AUTS2: variants seen among roughly 807,000 people sequenced by gnomAD.
The protein encoded by AUTS2 is autism susceptibility gene 2 protein.
AUTS2 carries 17 observed loss-of-function variants against 112.4 expected under a neutral mutation model. The ratio of observed to expected loss-of-function variants is 0.15; its 90% CI spans 0.10 to 0.23. The LOEUF is 0.23. Among genes scored for constraint, AUTS2 ranks in the 10% least tolerant of loss-of-function variants. The probability of loss-of-function intolerance (pLI) is 1.00; values close to 1 mark genes in which losing one functional copy is unlikely to be tolerated. For missense variants in AUTS2, 1,510 were observed against 1,701.6 expected (o/e 0.89, Z 1.98); for synonymous variants, 751 against 702.7 (o/e 1.07, Z -1.09).
chr7:70,671,713 A>G (rs1331699336), intron 5 of AUTS2, among the ~76,000 whole-genome samples: 1 of 152,242 alleles, frequency 6.6e-6, no homozygotes, highest in Non-Finnish European at 1.5e-5. Flanking sequence ...AAAGTGTCCA[A>G]GACCGTACAG....
intron 1 of AUTS2, among the ~76,000 whole-genome samples, chr7:69,628,136 G>A (rs1023766575): frequency 5.3e-5 from 8 of 152,146 alleles, no homozygotes; most frequent in African/African-American, 1.9e-4. Flanking sequence ...ATTTACAGAC[G>A]TTTATTCTAA....
At chr7:70,005,853 GA>G (rs1799523704) in intron 2 of AUTS2, among the ~76,000 whole-genome samples, 1 of 152,102 alleles carries the variant, frequency 6.6e-6, no homozygotes, top group Non-Finnish European at 1.5e-5. Context: ...AAAGTTTTTT[GA>G]AAATTGGTTT....
At chr7:69,635,352 C>A (rs115243322) in intron 1 of AUTS2, among the ~76,000 whole-genome samples, 2 of 152,304 alleles carry the variant, frequency 1.3e-5, no homozygotes, top group African/African-American at 4.8e-5. Context: ...ACAAAAAGCA[C>A]CTGCCAGTTT....
intron 2 of AUTS2, among the ~76,000 whole-genome samples, chr7:70,092,946 C>T (rs548477494): frequency 6.4e-4 from 97 of 152,230 alleles, no homozygotes; most frequent in African/African-American, 2.3e-3. Flanking sequence ...CCAGATCAAA[C>T]GAAAATTGTA....
At chr7:69,675,889 A>G (rs1796541980) in intron 1 of AUTS2, among the ~76,000 whole-genome samples, 1 of 152,190 alleles carries the variant, frequency 6.6e-6, no homozygotes, top group Non-Finnish European at 1.5e-5. Flanking sequence ...GAGGACTGAC[A>G]TCATTTCGCA....
At chr7:70,049,338 T>A (rs1258150313) in intron 2 of AUTS2, among the ~76,000 whole-genome samples, 2 of 146,906 alleles carry the variant, frequency 1.4e-5, no homozygotes, top group Non-Finnish European at 3.0e-5. Flanking sequence ...CTCTTGGACA[T>A]TTTTTTTTTT....
chr7:70,301,270 G>A (rs1323083510), intron 4 of AUTS2, among the ~76,000 whole-genome samples: 2 of 152,134 alleles, frequency 1.3e-5, no homozygotes, highest in African/African-American at 4.8e-5. Context: ...ACTTAAATGA[G>A]GGATTCATAT....
chr7:70,279,953 G>GT (rs1389432624), intron 4 of AUTS2, among the ~76,000 whole-genome samples: 1 of 152,284 alleles, frequency 6.6e-6, no homozygotes, highest in East Asian at 1.9e-4. Context: ...GCACACCTGG[G>GT]TTGGAATCCC....
At chr7:70,072,349 T>C (rs770586597) in intron 2 of AUTS2, among the ~76,000 whole-genome samples, 1 of 152,174 alleles carries the variant, frequency 6.6e-6, no homozygotes, top group Admixed American at 6.5e-5. Context: ...GTTTGGAATG[T>C]GCCTGTGGAT....
intron 4 of AUTS2, among the ~76,000 whole-genome samples, chr7:70,322,659 TTTTG>T (rs988406288): frequency 6.6e-6 from 1 of 152,166 alleles, no homozygotes. Context: ...TGTCATAGTT[TTTTG>T]TTTGTTTGTT....
At chr7:70,684,869 AG>A (rs1406053553) in intron 5 of AUTS2, among the ~76,000 whole-genome samples, 2 of 152,202 alleles carry the variant, frequency 1.3e-5, no homozygotes, top group Non-Finnish European at 2.9e-5. Flanking sequence ...TTGATGTAAG[AG>A]CAAACGACAT....
At chr7:70,647,642 G>T (rs1563100172) in intron 5 of AUTS2, among the ~76,000 whole-genome samples, 1 of 152,194 alleles carries the variant, frequency 6.6e-6, no homozygotes, top group African/African-American at 2.4e-5. Context: ...TGTGTGATGT[G>T]TTTTCTGGGA....
At chr7:70,507,907 T>A (rs1273304859) in intron 5 of AUTS2, among the ~76,000 whole-genome samples, 2 of 152,264 alleles carry the variant, frequency 1.3e-5, no homozygotes, top group African/African-American at 4.8e-5. Flanking sequence ...GTACCTCATA[T>A]GGGCAATGCA....
At chr7:70,090,845 A>AT (rs1362154532) in intron 2 of AUTS2, among the ~76,000 whole-genome samples, 25 of 151,854 alleles carry the variant, frequency 1.6e-4, no homozygotes, top group African/African-American at 6.0e-4. Flanking sequence ...TGCCCGGCTA[A>AT]TTTTTGTATT....
chr7:70,274,718 C>T (rs996720733), intron 4 of AUTS2, among the ~76,000 whole-genome samples: 13 of 152,070 alleles, frequency 8.5e-5, no homozygotes, highest in African/African-American at 1.4e-4. Context: ...ATGGTAGAGA[C>T]GGAAAGGATC....
chr7:70,609,019 A>C (rs1171804009), intron 5 of AUTS2, among the ~76,000 whole-genome samples: 1 of 152,208 alleles, frequency 6.6e-6, no homozygotes, highest in Non-Finnish European at 1.5e-5. Flanking sequence ...ATGTGCATAC[A>C]TTGTGGGATG....
chr7:70,049,622 T>C (rs1219402005), intron 2 of AUTS2, among the ~76,000 whole-genome samples: 1 of 152,000 alleles, frequency 6.6e-6, no homozygotes, highest in East Asian at 1.9e-4. Flanking sequence ...CCAGCCAGTC[T>C]CTTGGAAAAG....
At chr7:70,303,422 ACGCGCGCGCGCG>A (rs776005782) in intron 4 of AUTS2, among the ~76,000 whole-genome samples, 1 of 125,662 alleles carries the variant, frequency 8.0e-6, no homozygotes, top group African/African-American at 3.2e-5. Flanking sequence ...GCACACACAC[ACGCGCGCGCGCG>A]CACATACACA....
intron 2 of AUTS2, among the ~76,000 whole-genome samples, chr7:70,080,653 C>T (rs1239255224): frequency 1.3e-5 from 2 of 152,146 alleles, no homozygotes; most frequent in Non-Finnish European, 2.9e-5. Flanking sequence ...TTAAGTATTA[C>T]CAACACACTA....
Sources: gnomAD v4.1 joint callset for allele counts (sites outside exome capture counted in the v4.1 genomes callset) on GRCh38, gnomAD v4.1.1 for gene constraint, MANE v1.5 for transcripts, NCBI Gene and HGNC (gene_info 2026-07-23, HGNC 2026-07-21) for gene names.